Variants in MAK observed in about 807,000 individuals in gnomAD.
The protein encoded by MAK is serine/threonine-protein kinase MAK.
A neutral mutation model predicts 82.6 loss-of-function variants in MAK; 65 were observed. That is an observed-to-expected ratio of 0.79 (90% CI 0.64 to 0.97). MAK has a LOEUF of 0.97. Among genes scored for constraint, MAK ranks in the 50% least tolerant of loss-of-function variants. The pLI, the probability that MAK is intolerant of heterozygous loss-of-function variation, is 0.00. For missense variants in MAK, 703 were observed against 780.2 expected (o/e 0.90, Z 1.18); for synonymous variants, 250 against 274.2 (o/e 0.91, Z 0.87).
chr6:10,816,098 T>G (rs775728784), intron 4 of MAK, among the ~76,000 whole-genome samples: 1 of 151,628 alleles, frequency 6.6e-6, no homozygotes, highest in Non-Finnish European at 1.5e-5. Context: ...GCTGGCCTCC[T>G]GGGTTCAAGC....
chr6:10,803,875 C>T lies in MAK; in HGVS notation c.508G>A (p.Val170Ile), dbSNP rs912623788. 2 of 1,614,038 alleles carry T rather than the reference C, an allele frequency of 1.2e-6. No homozygotes were observed. The highest frequency in any genetic ancestry group is 1.7e-6 in the Non-Finnish European group (2 of 1,179,966). Residue 170 changes from valine to isoleucine, a missense_variant, in exon 7 of 15, where the codon GTT becomes ATT. Coordinates refer to ENST00000354489, the MANE Select transcript of MAK (RefSeq NM_001242957.3). ...VSTRWYRAPE[V>I]LLRSSVYSSP... ...CTATAAACTGAAGATCTCAGTAAAA[C>T]TTCAGGGGCACGATACCTATGAAAA...
chr6:10,806,505 A>ATTTTTTTTTTTTTTTTTTT (rs70991049), intron 6 of MAK, among the ~76,000 whole-genome samples: 2 of 117,140 alleles, frequency 1.7e-5, no homozygotes, highest in African/African-American at 3.3e-5. Context: ...CACCCGTCTA[A>ATTTTTTTTTTTTTTTTTTT]TTTTTTTTTT....
chr6:10,777,271 G>A (rs1038652362), intron 11 of MAK, among the ~76,000 whole-genome samples: 1 of 152,080 alleles, frequency 6.6e-6, no homozygotes, highest in Non-Finnish European at 1.5e-5. Context: ...AATTAGCTGG[G>A]TGTGGTGGTG....
rs1772121846 is a variant in MAK at position 10,763,504 on chromosome 6, GC to G, written c.*947del. Reference sequence around the variant, plus strand: ...ACAAGCCGTCCACTAAAATCAAGTGGCATAACTTTGATATTCTCTATGTTAA... The same window carrying G: ...ACAAGCCGTCCACTAAAATCAAGTGGATAACTTTGATATTCTCTATGTTAA... On this transcript the variant is annotated 3_prime_UTR_variant, in exon 15 of 15. Coordinates refer to ENST00000354489, the MANE Select transcript of MAK (RefSeq NM_001242957.3). 1 of 150,916 alleles carries G rather than the reference GC, an allele frequency of 6.6e-6. No homozygotes were observed. Among genetic ancestry groups the G allele is most frequent in the Admixed American group, 6.6e-5 (1 of 15,078 alleles). 9.3% of individuals were successfully genotyped at this position (150,916 alleles called of 1,614,324 possible). A position where few individuals can be genotyped will look rare whatever the true frequency, so the allele number is the denominator to read the frequency against.
chr6:10,808,861 G>C lies in MAK; in HGVS notation c.440C>G (p.Ala147Gly), dbSNP rs755260124. The C allele has an allele frequency of 1.2e-6, 2 of 1,613,630 alleles. No individual in the cohort carries two copies. Among genetic ancestry groups the C allele is most frequent in the Admixed American group, 1.7e-5 (1 of 59,984 alleles). The part of the protein sequence containing the change: ...ELVKIADFGL[A>G]RELRSQPPYT... ...TGGTGGCTGTGACCTTAATTCTCTT[G>C]CAAGTCCAAAATCAGCAATTTTCAC... Residue 147 changes from alanine (A) to glycine (G), a missense_variant, in exon 6 of 15, where the codon GCA becomes GGA. Transcript: ENST00000354489.
intron 2 of MAK, 77 bp downstream of exon 2, chr6:10,830,471 T>C: frequency 8.2e-7 from 1 of 1,213,646 alleles, no homozygotes; most frequent in Non-Finnish European, 1.2e-6. Flanking sequence ...CCTGTGCTGG[T>C]ATATATTCTT....
At chr6:10,772,799 T>A (rs1274618057) in intron 13 of MAK, among the ~76,000 whole-genome samples, 1 of 152,206 alleles carries the variant, frequency 6.6e-6, no homozygotes, top group Non-Finnish European at 1.5e-5. Context: ...TTTCCGTAAT[T>A]AATTTAAGAA....
chr6:10,783,887 C>T (rs1462912315), intron 11 of MAK, among the ~76,000 whole-genome samples: 1 of 152,060 alleles, frequency 6.6e-6, no homozygotes, highest in Non-Finnish European at 1.5e-5. Context: ...GGCGTGGTGG[C>T]TCGCACCTGT....
Position 10,770,205 on chromosome 6 carries a change from G to T in MAK, c.1698C>A (p.Tyr566Ter), listed in dbSNP as rs186643840. The change falls in exon 14 of 15, where the codon TAC becomes TAA. Residue 566 changes from tyrosine (Y) to a stop codon, truncating the protein, a stop_gained. Coordinates refer to ENST00000354489, the MANE Select transcript of MAK (RefSeq NM_001242957.3). LOFTEE classifies it high-confidence loss of function. ...AGGAAGGAATATATCCTGACTGATT[G>T]TAAGTAGCATAACTTCCAAGATTTC... ...PQGNLGSYAT[Y>*]NQSGYIPSFL... 22 of 1,614,098 alleles carry T rather than the reference G, an allele frequency of 1.4e-5. No individual in the cohort carries two copies. The East Asian group carries it at 3.6e-4, about 26-fold the overall frequency.
intron 9 of MAK, 25 bp downstream of exon 9, chr6:10,795,973 G>C (rs575844293): frequency 1.2e-5 from 19 of 1,606,844 alleles, no homozygotes; most frequent in Middle Eastern, 1.7e-4. Flanking sequence ...CTATTTCATT[G>C]CAAGTGTCAT....
intron 7 of MAK, among the ~76,000 whole-genome samples, chr6:10,803,442 G>T (rs969423818): frequency 6.6e-6 from 1 of 151,952 alleles, no homozygotes; most frequent in Non-Finnish European, 1.5e-5. Context: ...CTACTTGGGA[G>T]GCTGAGGCAT....
At chr6:10,772,343 T>A (rs12195229) in intron 13 of MAK, among the ~76,000 whole-genome samples, 5 of 151,578 alleles carry the variant, frequency 3.3e-5, no homozygotes, top group African/African-American at 7.3e-5. Flanking sequence ...TTTTTTTTTT[T>A]AATTTTTATT....
At chr6:10,768,063 C>A (rs1036216224) in intron 14 of MAK, among the ~76,000 whole-genome samples, 8 of 151,740 alleles carry the variant, frequency 5.3e-5, no homozygotes, top group African/African-American at 1.9e-4. Context: ...GTAGAAAAAT[C>A]TGATAAGCAG....
intron 8 of MAK, among the ~76,000 whole-genome samples, chr6:10,796,957 T>C (rs1435678006): frequency 6.6e-6 from 1 of 152,160 alleles, no homozygotes. Flanking sequence ...ATGTGATTAC[T>C]TCAAGCTAAA....
At chr6:10,830,282 C>T (rs1019882443) in intron 2 of MAK, among the ~76,000 whole-genome samples, 14 of 151,602 alleles carry the variant, frequency 9.2e-5, no homozygotes, top group African/African-American at 2.7e-4. Flanking sequence ...TCTCCTGCCT[C>T]GGCCTCCTGA....
chr6:10,815,912 GTATATATATATA>G (rs3064109), intron 4 of MAK, among the ~76,000 whole-genome samples: 57,956 of 108,530 alleles, frequency 0.53, 15,738 homozygotes, highest in Non-Finnish European at 0.61. Flanking sequence ...GCTTTATACA[GTATATATATATA>G]TATATATATA....
intron 14 of MAK, among the ~76,000 whole-genome samples, chr6:10,766,597 A>G (rs1174772168): frequency 6.6e-6 from 1 of 152,228 alleles, no homozygotes; most frequent in Non-Finnish European, 1.5e-5. Context: ...TAGCCATTGG[A>G]ATAGAAACGA....
intron 5 of MAK, among the ~76,000 whole-genome samples, chr6:10,809,909 C>A (rs2077094): frequency 0.06 from 9,070 of 151,802 alleles, 838 homozygotes; most frequent in African/African-American, 0.21. Flanking sequence ...ACCAGCCTGG[C>A]CAATATGATG....
At chr6:10,767,627 A>C (rs1284803561) in intron 14 of MAK, among the ~76,000 whole-genome samples, 1 of 152,020 alleles carries the variant, frequency 6.6e-6, no homozygotes, top group Admixed American at 6.6e-5. Context: ...CATCTCTACT[A>C]AAAATACATA....
Sources: allele counts gnomAD v4.1 joint callset (sites outside exome capture counted in the v4.1 genomes callset), GRCh38; gene constraint gnomAD v4.1.1; transcripts MANE v1.5; gene names NCBI Gene and HGNC (gene_info 2026-07-23, HGNC 2026-07-21).